The following CRB1 variants were observed in gnomAD, a reference collection of about 807,000 sequenced individuals.
CRB1 encodes crumbs cell polarity complex component 1.
A neutral mutation model predicts 120.0 loss-of-function variants in CRB1; 83 were observed. The observed-to-expected ratio is 0.69, with a 90% CI of 0.58 to 0.83. CRB1 has a LOEUF of 0.83. Among genes scored for constraint, CRB1 ranks in the 40% least tolerant of loss-of-function variants. CRB1 has a pLI of 0.00. For synonymous variants in CRB1, 625 were observed against 612.5 expected (o/e 1.02, Z -0.30); for missense variants, 1,699 against 1,687.6 (o/e 1.01, Z -0.12).
chr1:197,452,781 A>C (rs1177318388), intron 11 of CRB1, among the ~76,000 whole-genome samples: 2 of 152,162 alleles, frequency 1.3e-5, no homozygotes, highest in Middle Eastern at 6.3e-3. Context: ...CATATGTAGA[A>C]ATGGTTCAGC....
intron 11 of CRB1, among the ~76,000 whole-genome samples, chr1:197,450,891 C>T (rs1197727441): frequency 2.5e-5 from 3 of 122,404 alleles, no homozygotes; most frequent in East Asian, 2.8e-4. Context: ...ACCCGGGGGG[C>T]GGAGCTTGCG....
intron 1 of CRB1, among the ~76,000 whole-genome samples, chr1:197,298,429 G>A (rs1263161794): frequency 6.6e-6 from 1 of 152,090 alleles, no homozygotes; most frequent in East Asian, 1.9e-4. Context: ...ATGAAAAAGT[G>A]GGGTAAGAGG....
At chr1:197,375,610 T>C (rs1160921575) in intron 5 of CRB1, among the ~76,000 whole-genome samples, 1 of 152,184 alleles carries the variant, frequency 6.6e-6, no homozygotes, top group African/African-American at 2.4e-5. Flanking sequence ...ACTCATTTAC[T>C]TGCCGCCTCC....
intron 1 of CRB1, among the ~76,000 whole-genome samples, chr1:197,282,255 CCTTA>C (rs1655564266): frequency 6.6e-6 from 1 of 151,560 alleles, no homozygotes; most frequent in Non-Finnish European, 1.5e-5. Context: ...AGAGTTGGGT[CCTTA>C]CTTACAAATT....
chr1:197,360,221 C>G (rs1660702256), intron 5 of CRB1: 3 of 152,210 alleles, frequency 2.0e-5, no homozygotes, highest in Admixed American at 2.0e-4. Flanking sequence ...GGAGTTATCA[C>G]CTTGTGTGGG....
chr1:197,212,311 T>C, the CRB1 span, among the ~76,000 whole-genome samples: 1 of 152,144 alleles, frequency 6.6e-6, no homozygotes. Flanking sequence ...TATAGTCTTA[T>C]ATACACAAAA....
chr1:197,338,999 C>T (rs1375356453), intron 2 of CRB1, among the ~76,000 whole-genome samples: 1 of 152,074 alleles, frequency 6.6e-6, no homozygotes, highest in Admixed American at 6.6e-5. Context: ...TGACAAAATT[C>T]GGCAGTCCTT....
At chr1:197,283,920 A>G (rs780771810) in intron 1 of CRB1, among the ~76,000 whole-genome samples, 1 of 151,890 alleles carries the variant, frequency 6.6e-6, no homozygotes, top group Non-Finnish European at 1.5e-5. Flanking sequence ...TTAAGTAAAT[A>G]TTTGCTATTT....
At chr1:197,452,516 G>A (rs566447178) in intron 11 of CRB1, among the ~76,000 whole-genome samples, 2 of 152,292 alleles carry the variant, frequency 1.3e-5, no homozygotes, top group African/African-American at 4.8e-5. Context: ...TGTATGAGAT[G>A]AAGGGACCTT....
chr1:197,328,579 C>T lies in CRB1; in HGVS notation c.228C>T (p.Ser76=). Residue 76 remains serine (S), a synonymous_variant, in exon 2 of 12, where the codon TCC becomes TCT. Coordinates refer to ENST00000367400, the MANE Select transcript of CRB1 (RefSeq NM_201253.3). ...ACAACATGAAAGACCCTTGCTTCTC[C>T]AATCCCTGTCAAGGAAGTGCCACTT... ...DCDNMKDPCF[S]NPCQGSATCV... is the part of the protein sequence containing the mutation. 2 of 1,614,222 alleles carry T rather than the reference C, an allele frequency of 1.2e-6. No homozygotes were observed. The highest frequency in any genetic ancestry group is 3.3e-4 in the Middle Eastern group (2 of 6,062).
rs550119977 is a variant in CRB1 at position 197,421,574 on chromosome 1, A to G, written c.1746A>G (p.Leu582=). 8.3e-5 allele frequency: 134 copies of G among 1,614,060 alleles called. No individual in the cohort carries two copies. The highest frequency in any genetic ancestry group is 1.1e-4 in the Non-Finnish European group (134 of 1,180,036). Residue 582 remains leucine, a synonymous_variant, in exon 6 of 12, where the codon TTA becomes TTG. Transcript: ENST00000367400. ...TTGCAGAGGCTGTGACCCTTACCTT[A>G]ATCGACGACTCCTGTAAGGAGAAAT... is the stretch of plus-strand genomic sequence containing the variant. ...VIFAEAVTLT[L]IDDSCKEKCI...
intron 1 of CRB1, among the ~76,000 whole-genome samples, chr1:197,327,988 A>G (rs1376661969): frequency 1.3e-5 from 2 of 152,248 alleles, no homozygotes; most frequent in African/African-American, 4.8e-5. Context: ...AGTAGATGGC[A>G]AACTTTACTG....
At chr1:197,201,575 C>T in the CRB1 span, among the ~76,000 whole-genome samples, 1 of 152,214 alleles carries the variant, frequency 6.6e-6, no homozygotes, top group Non-Finnish European at 1.5e-5. Flanking sequence ...CGGTGGCCTA[C>T]CCCGATCGAA....
chr1:197,336,157 G>A (rs1170656267), intron 2 of CRB1, among the ~76,000 whole-genome samples: 3 of 152,074 alleles, frequency 2.0e-5, no homozygotes, highest in Admixed American at 6.6e-5. Context: ...TTCCTCTTGG[G>A]CCTTCTCCAA....
chr1:197,315,658 A>G (rs577407760), intron 1 of CRB1, among the ~76,000 whole-genome samples: 18 of 152,354 alleles, frequency 1.2e-4, no homozygotes, highest in Admixed American at 3.9e-4. Flanking sequence ...TAGTGTTTGC[A>G]TCAACTTCCA....
rs530712604 is a variant in CRB1 at position 197,273,758 on chromosome 1, C to T, written c.70+5276C>T. On this transcript the variant is annotated intron_variant, in intron 1 of 11. Transcript: ENST00000367400. ...TCCTATTTTCTTTTCACGTACTCCC[C>T]ATCAATGTGGGGTGCTTTTTAAAAA... 4.7e-4 allele frequency among the ~76,000 whole-genome samples: 72 copies of T among 152,126 alleles called. 2 individuals carry two copies. In the South Asian group the frequency reaches 0.015, roughly 31 times the overall value.
At chr1:197,427,387 C>T (rs923274716) in intron 6 of CRB1, 67 bp from the exon 7 acceptor site, 1 of 1,442,780 alleles carries the variant, frequency 6.9e-7, no homozygotes, top group Non-Finnish European at 9.7e-7. Context: ...GTCTTCCATC[C>T]CTTCTGTCTT....
At chr1:197,390,623 ATGATACC>A (rs1662452577) in intron 5 of CRB1, among the ~76,000 whole-genome samples, 1 of 152,156 alleles carries the variant, frequency 6.6e-6, no homozygotes, top group Non-Finnish European at 1.5e-5. Flanking sequence ...TGTGCATAAC[ATGATACC>A]TTGTTTTGTT....
At chr1:197,299,413 A>C (rs1440451450) in intron 1 of CRB1, among the ~76,000 whole-genome samples, 1 of 152,136 alleles carries the variant, frequency 6.6e-6, no homozygotes, top group Admixed American at 6.6e-5. Flanking sequence ...GCATGTATCC[A>C]TTGGCATAAG....
Sources: allele counts gnomAD v4.1 joint callset (sites outside exome capture counted in the v4.1 genomes callset), GRCh38; gene constraint gnomAD v4.1.1; transcripts MANE v1.5; gene names NCBI Gene and HGNC (gene_info 2026-07-23, HGNC 2026-07-21).